Variants in ATP2B1 observed in about 807,000 individuals in gnomAD.
ATP2B1 encodes ATPase plasma membrane Ca2+ transporting 1, also known as plasma membrane calcium-transporting ATPase 1.
Under a neutral mutation model 124.2 loss-of-function variants are expected in ATP2B1, and 14 were observed. That is an observed-to-expected ratio of 0.11 (90% CI 0.07 to 0.18). ATP2B1 has a LOEUF of 0.18. ATP2B1 is among the 10% of genes least tolerant of loss of function. ATP2B1 has a pLI of 1.00. For missense variants in ATP2B1, 763 were observed against 1,466.1 expected, an observed-to-expected ratio of 0.52 and a Z score of 7.83; for synonymous variants, 449 against 492.4, an observed-to-expected ratio of 0.91 and a Z score of 1.17.
In ATP2B1 at chr12:89,630,659, C is replaced by A; in HGVS notation, c.788-14G>T. 1 of 1,442,152 alleles carries A rather than the reference C, an allele frequency of 6.9e-7. No homozygotes were observed. Among genetic ancestry groups the A allele is most frequent in the Admixed American group, 2.4e-5 (1 of 42,376 alleles). The allele number at this position is 1,442,152 out of a possible 1,614,324, so 89.3% of individuals were successfully genotyped here. A position where few individuals can be genotyped will look rare whatever the true frequency, so the allele number is the denominator to read the frequency against. The stretch of plus-strand genomic sequence containing the variant: ...TTACATGAGTACCTATAACCAAAAA[C>A]ATAGTTTGTTTTTAAAAATACTGAT... On this transcript the variant is annotated splice_polypyrimidine_tract_variant and intron_variant, in intron 5 of 20. Transcript: ENST00000428670.
At chr12:89,599,769 C>T (rs527284936) in intron 19 of ATP2B1, among the ~76,000 whole-genome samples, 2 of 152,090 alleles carry the variant, frequency 1.3e-5, no homozygotes, top group Non-Finnish European at 2.9e-5. Context: ...AGTTTTGTTA[C>T]ATATTTTTTT....
chr12:89,644,226 G>GT (rs1209305725), intron 2 of ATP2B1, among the ~76,000 whole-genome samples: 6 of 152,216 alleles, frequency 3.9e-5, no homozygotes, highest in South Asian at 2.1e-4. Flanking sequence ...ACTTCAATTT[G>GT]TTTTTTTGGC....
chr12:89,650,819 T>C (rs1885148536), intron 2 of ATP2B1, among the ~76,000 whole-genome samples: 2 of 152,046 alleles, frequency 1.3e-5, no homozygotes, highest in South Asian at 2.1e-4. Context: ...ATGAAAGATA[T>C]ACCAAAAGCT....
chr12:89,614,153 C>T (rs1029423952), intron 12 of ATP2B1, among the ~76,000 whole-genome samples: 4 of 152,070 alleles, frequency 2.6e-5, no homozygotes, highest in Admixed American at 6.6e-5. Context: ...AAGTTTAAAC[C>T]GTAAGTCAAT....
chr12:89,629,865 A>C (rs1881563804), intron 6 of ATP2B1, among the ~76,000 whole-genome samples: 1 of 151,996 alleles, frequency 6.6e-6, no homozygotes, highest in Admixed American at 6.6e-5. Flanking sequence ...TAAAAGTGGC[A>C]TGCCCCTAAC....
Position 89,610,022 on chromosome 12 carries a change from G to A in ATP2B1, c.2357C>T (p.Ser786Leu), listed in dbSNP as rs148462691. ...TACAGCTACAACCTGGCGTTGGTCT[G>A]AGACAGTGCTGTCAATTATACCTTA... ...LVKGIIDSTVSDQRQVVAVTG... is the reference protein window; with the variant it reads ...LVKGIIDSTVLDQRQVVAVTG... The change falls in exon 15 of 21, where the codon TCA becomes TTA. Residue 786 changes from serine (S) to leucine (L), a missense_variant. This residue lies in a region of ATP2B1 where 51 missense variants were observed against 192.8 expected (regional missense o/e 0.26). Coordinates refer to ENST00000428670, the MANE Select transcript of ATP2B1 (RefSeq NM_001366521.1). The A allele has an allele frequency of 4.3e-6, 7 of 1,613,522 alleles. No individual in the cohort carries two copies. Among genetic ancestry groups the A allele is most frequent in the Non-Finnish European group, 5.9e-6 (7 of 1,179,632 alleles).
intron 2 of ATP2B1, among the ~76,000 whole-genome samples, chr12:89,642,673 C>T (rs1261038504): frequency 3.3e-5 from 5 of 151,952 alleles, no homozygotes; most frequent in African/African-American, 9.6e-5. Flanking sequence ...GGCACAATCT[C>T]GGCTCACTGC....
At chr12:89,643,073 C>CACACACACAA (rs1469757768) in intron 2 of ATP2B1, among the ~76,000 whole-genome samples, 1 of 150,838 alleles carries the variant, frequency 6.6e-6, no homozygotes, top group African/African-American at 2.4e-5. Flanking sequence ...CATACACACA[C>CACACACACAA]ACACACACAC....
At chr12:89,677,954 T>TTATATA (rs61256358) in intron 1 of ATP2B1, among the ~76,000 whole-genome samples, 26 of 68,758 alleles carry the variant, frequency 3.8e-4, no homozygotes, top group African/African-American at 1.5e-3. Context: ...CATGCAGGAA[T>TTATATA]TATATATATA....
chr12:89,643,065 T>TACACACACACACACACACAC lies in ATP2B1; in HGVS notation c.209-730_209-711dup, dbSNP rs145355576. On this transcript the variant is annotated intron_variant, in intron 2 of 20. Transcript: ENST00000428670. ...TGGGAAGTTTATATATAAAGATACA[T>TACACACACACACACACACAC]ACACACACACACACACACACACACA... is the stretch of plus-strand genomic sequence containing the variant. Among the ~76,000 whole-genome samples the TACACACACACACACACACAC allele has an allele frequency of 9.2e-3, 1,323 of 143,592 alleles. 14 individuals carry two copies. Among genetic ancestry groups the TACACACACACACACACACAC allele is most frequent in the African/African-American group, 0.017 (674 of 38,688 alleles). 94.2% of individuals were successfully genotyped at this position (143,592 alleles called of 152,430 possible).
At chr12:89,685,377 A>G (rs903576805) in intron 1 of ATP2B1, among the ~76,000 whole-genome samples, 1 of 152,094 alleles carries the variant, frequency 6.6e-6, no homozygotes, top group African/African-American at 2.4e-5. Context: ...TCCCACTGCA[A>G]TCCCTCTGGT....
chr12:89,603,137 T>C lies in ATP2B1; in HGVS notation c.2966A>G (p.Asn989Ser). The C allele has an allele frequency of 2.5e-6, 4 of 1,614,014 alleles. No homozygotes were observed. The highest frequency in any genetic ancestry group is 3.4e-6 in the Non-Finnish European group (4 of 1,179,940). ...FVLMQLFNEINARKIHGERNV... is the reference protein window; with the variant it reads ...FVLMQLFNEISARKIHGERNV... ...TCTTTCACCATGAATTTTCCGGGCA[T>C]TTATTTCGTTGAAAAGTTGCATCAG... Residue 989 changes from asparagine to serine, a missense_variant, in exon 18 of 21, where the codon AAT becomes AGT. Physicochemically the swap from Asn to Ser is conservative, Grantham distance 46. Transcript: ENST00000428670. This position sits in a 1 kb window ranked among gnomAD's most constrained non-coding sequence, Gnocchi z 4.3.
intron 1 of ATP2B1, among the ~76,000 whole-genome samples, chr12:89,686,638 T>C (rs563580284): frequency 3.9e-5 from 6 of 152,238 alleles, no homozygotes; most frequent in African/African-American, 1.2e-4. Flanking sequence ...CTAATCATAC[T>C]GATAAACAAC....
intron 1 of ATP2B1, among the ~76,000 whole-genome samples, chr12:89,688,112 A>G (rs1158300436): frequency 6.6e-6 from 1 of 152,030 alleles, no homozygotes; most frequent in African/African-American, 2.4e-5. Flanking sequence ...TAAATTAGAC[A>G]TCATTCCACA....
chr12:89,651,523 C>A (rs939433442), intron 2 of ATP2B1, among the ~76,000 whole-genome samples: 2 of 152,192 alleles, frequency 1.3e-5, no homozygotes, highest in African/African-American at 4.8e-5. Context: ...CCACCTCAGC[C>A]TCCCAAAATG....
chr12:89,687,171 C>T (rs140977393), intron 1 of ATP2B1, among the ~76,000 whole-genome samples: 3 of 152,068 alleles, frequency 2.0e-5, no homozygotes, highest in South Asian at 2.1e-4. Context: ...CATAACGTTT[C>T]GGTCAACAAG....
chr12:89,601,335 G>C lies in ATP2B1; in HGVS notation c.3159C>G (p.Leu1053=). 1 of 1,558,150 alleles carries C rather than the reference G, an allele frequency of 6.4e-7. No homozygotes were observed. Among genetic ancestry groups the C allele is most frequent in the Admixed American group, 2.2e-5 (1 of 44,938 alleles). The change falls in exon 19 of 21, where the codon CTC becomes CTG. Residue 1053 remains leucine (L), a synonymous_variant. Coordinates refer to ENST00000428670, the MANE Select transcript of ATP2B1 (RefSeq NM_001366521.1). ...WSIFLGMGTL[L]WGQLISTIPT... is the part of the protein sequence containing the mutation. ...CTGATGAAATTTTTACCTGGCCCCA[G>C]AGTAATGTTCCCATTCCTAGGAATA...
intron 12 of ATP2B1, among the ~76,000 whole-genome samples, chr12:89,616,152 G>A (rs17465916): frequency 0.029 from 4,451 of 152,072 alleles, 99 homozygotes; most frequent in Non-Finnish European, 0.042. Flanking sequence ...CTTTGAGGCC[G>A]GTGATCAGAT....
At chr12:89,637,618 C>T (rs10858914) in intron 3 of ATP2B1, among the ~76,000 whole-genome samples, 74,764 of 151,772 alleles carry the variant, frequency 0.49, 19,304 homozygotes, top group Admixed American at 0.62. Flanking sequence ...AGATTGGCCT[C>T]GAACTCCTGG....
Sources: gnomAD v4.1 joint callset for allele counts (sites outside exome capture counted in the v4.1 genomes callset) on GRCh38, gnomAD v4.1.1 for gene constraint, gnomAD v4.1.1 regional missense constraint, Gnocchi (gnomAD v3.1) non-coding constraint, MANE v1.5 for transcripts, NCBI Gene and HGNC (gene_info 2026-07-23, HGNC 2026-07-21) for gene names.